CARMIL3: variants seen among roughly 807,000 people sequenced by gnomAD.
The protein encoded by CARMIL3 is capping protein regulator and myosin 1 linker 3, also known as capping protein, Arp2/3 and myosin-I linker protein 3.
A neutral mutation model predicts 180.8 loss-of-function variants in CARMIL3; 88 were observed. That is an observed-to-expected ratio of 0.49 (90% CI 0.41 to 0.58). CARMIL3 has a LOEUF of 0.58. Among genes scored for constraint, CARMIL3 ranks in the 20% least tolerant of loss-of-function variants. CARMIL3 has a pLI of 0.00. For synonymous variants in CARMIL3, 696 were observed against 714.5 expected, an observed-to-expected ratio of 0.97 and a Z score of 0.41; for missense variants, 1,548 against 1,787.0, an observed-to-expected ratio of 0.87 and a Z score of 2.41.
rs922128552 is a variant in CARMIL3, at chr14:24,061,578, C to A, written c.2386C>A (p.Leu796Met). 6.2e-7 allele frequency: 1 copy of A among 1,614,002 alleles called. No homozygotes were observed. The highest frequency in any genetic ancestry group is 8.5e-7 in the Non-Finnish European group (1 of 1,179,992). Residue 796 changes from leucine (L) to methionine (M), a missense_variant, in exon 27 of 40, where the codon CTG (leucine) becomes ATG (methionine). Transcript: ENST00000342740. This position sits in a 1 kb window ranked among gnomAD's most constrained non-coding sequence, Gnocchi z 4.1. The part of the protein sequence containing the change: ...MRVAEGHNKM[L>M]SNVAERVTVP... ...GGTGGCCGAGGGACACAACAAGATG[C>A]TGAGCAATGTGGCGGAGCGTGTCAC...
In CARMIL3 at chr14:24,064,287, C is replaced by A. The variant is rs748197771; in HGVS notation, c.3021C>A (p.Thr1007=). 5.0e-6 allele frequency: 8 copies of A among 1,613,046 alleles called. No homozygotes were observed. In the South Asian group the frequency reaches 8.8e-5, roughly 18 times the overall value. ...CTCGTCAGGAGAATGGGATGGCCAC[C>A]CGCCTGGATGAAGGGCTGGAGGACT... The part of the protein sequence containing the change: ...PGTRQENGMA[T]RLDEGLEDFF... Residue 1007 remains threonine (T), a synonymous_variant, in exon 32 of 40, where the codon ACC becomes ACA. Coordinates refer to ENST00000342740, the MANE Select transcript of CARMIL3 (RefSeq NM_138360.4).
rs756984786 is a variant in CARMIL3, at chr14:24,058,130, G to T, written c.1323-25G>T. 5.6e-6 allele frequency: 9 copies of T among 1,613,818 alleles called. No homozygotes were observed. The South Asian group carries it at 9.9e-5, about 18-fold the overall frequency. On this transcript the variant is annotated intron_variant, in intron 16 of 39. Transcript: ENST00000342740. The surrounding 1 kb of genome is among the most constrained non-coding windows in gnomAD (Gnocchi z 6.4). ...ACGGGGAGCGGGAAGAGGTAAAGGA[G>T]GGCCTGCTGACCTCCCTCCCACAGG...
chr14:24,061,596 C>A lies in CARMIL3; in HGVS notation c.2404C>A (p.Arg802Ser). The A allele has an allele frequency of 6.2e-7, 1 of 1,613,932 alleles. No individual in the cohort carries two copies. Among genetic ancestry groups the A allele is most frequent in the Non-Finnish European group, 8.5e-7 (1 of 1,179,990 alleles). ...HNKMLSNVAE[R>S]VTVPRNFIRG... ...CAAGATGCTGAGCAATGTGGCGGAG[C>A]GTGTCACTGTGCCCCGGAACTTCAT... Residue 802 changes from arginine to serine, a missense_variant, in exon 27 of 40, where the codon CGT becomes AGT. By Grantham distance (110) the Arg-to-Ser change is moderately radical (BLOSUM62 -1). Transcript: ENST00000342740. The surrounding 1 kb of genome is among the most constrained non-coding windows in gnomAD (Gnocchi z 4.1).
rs201169654 is a variant in CARMIL3, at chr14:24,066,416, G to C, written c.3544G>C (p.Glu1182Gln). Reference protein sequence around the residue: ...GKREGPGPDQEGSTQAWQKRR... With the variant: ...GKREGPGPDQQGSTQAWQKRR... ...CTTTCAGGGCCCAGGCCCAGACCAG[G>C]AGGGCAGCACCCAGGCCTGGCAGAA... is the stretch of plus-strand genomic sequence containing the variant. The change falls in exon 35 of 40, where the codon GAG becomes CAG. Residue 1182 changes from glutamate (E) to glutamine (Q), a missense_variant. Physicochemically the swap from Glu to Gln is conservative, Grantham distance 29 (BLOSUM62 2). Around this residue, in one of 4 missense-constraint regions of CARMIL3, gnomAD observed 668 missense variants for 687.8 expected, o/e 0.97. Coordinates refer to ENST00000342740, the MANE Select transcript of CARMIL3 (RefSeq NM_138360.4). 1 of 1,614,074 alleles carries C rather than the reference G, an allele frequency of 6.2e-7. No individual in the cohort carries two copies. Among genetic ancestry groups the C allele is most frequent in the African/African-American group, 1.3e-5 (1 of 74,936 alleles).
chr14:24,065,087 G>A lies in CARMIL3; in HGVS notation c.3210G>A (p.Pro1070=), dbSNP rs777405964. ...GGAGCTTCAAGGGGGACAGGGGGCC[G>A]GGGTCCCCTACCACTGGACTCCTCC... ...RPRSFKGDRG[P]GSPTTGLLLP... is the part of the protein sequence containing the mutation. Residue 1070 remains proline, a synonymous_variant, in exon 33 of 40, where the codon CCG becomes CCA. Transcript: ENST00000342740. The A allele has an allele frequency of 6.4e-5, 101 of 1,581,778 alleles. 1 individual carries two copies. The highest frequency in any genetic ancestry group is 1.9e-4 in the Middle Eastern group (1 of 5,274).
rs769195110 is a variant in CARMIL3, at chr14:24,058,772, G to T, written c.1474+11G>T. On this transcript the variant is annotated intron_variant, in intron 18 of 39. Coordinates refer to ENST00000342740, the MANE Select transcript of CARMIL3 (RefSeq NM_138360.4). The surrounding 1 kb of genome is among the most constrained non-coding windows in gnomAD (Gnocchi z 6.4). ...ATCTGTCAGACAATGGTGAGTAGTGGTTCCTCCCTTCCCTGGGGCCAGGGG... is the reference window on the plus strand; with the variant it reads ...ATCTGTCAGACAATGGTGAGTAGTGTTTCCTCCCTTCCCTGGGGCCAGGGG... The T allele has an allele frequency of 6.2e-6, 10 of 1,613,924 alleles. No homozygotes were observed. The highest frequency in any genetic ancestry group is 7.6e-6 in the Non-Finnish European group (9 of 1,179,974).
In CARMIL3 at chr14:24,054,618, C is replaced by T; in HGVS notation, c.363-93C>T. ...GAGAAGGAGAGCTCTCATGTCCCCA[C>T]TCCTGGTTTTTCCTGGGATGCAGGA... On this transcript the variant is annotated intron_variant, in intron 5 of 39. Transcript: ENST00000342740. The surrounding 1 kb of genome is among the most constrained non-coding windows in gnomAD (Gnocchi z 5.1). The T allele has an allele frequency of 2.0e-6, 3 of 1,503,432 alleles. No individual in the cohort carries two copies. Among genetic ancestry groups the T allele is most frequent in the Non-Finnish European group, 2.7e-6 (3 of 1,097,528 alleles). The allele number at this position is 1,503,432 out of a possible 1,614,324, so 93.1% of individuals were successfully genotyped here. A position where few individuals can be genotyped will look rare whatever the true frequency, so the allele number is the denominator to read the frequency against.
rs116403852 is a variant in CARMIL3, at chr14:24,069,469, C to G, written c.*65C>G. 2.3e-4 allele frequency: 375 copies of G among 1,602,754 alleles called. 1 individual carries two copies. In the African/African-American group the frequency reaches 4.3e-3, roughly 19 times the overall value. On this transcript the variant is annotated 3_prime_UTR_variant, in exon 40 of 40. Transcript: ENST00000342740. ...TCGCAAGGACTCAGACCCCTATCCA[C>G]CCCCAGTCCCCAGGGCCCCCTGCCA...
At chr14:24,062,007 C>T in intron 27 of CARMIL3, 1 of 333,586 alleles carries the variant, frequency 3.0e-6, no homozygotes, top group South Asian at 4.6e-5. Context: ...CACTGTCTTC[C>T]TCCCAGTTTT....
intron 10 of CARMIL3, 68 bp from the exon 11 acceptor site, chr14:24,056,231 G>A (rs2035670317): frequency 2.3e-6 from 3 of 1,319,066 alleles, no homozygotes; most frequent in South Asian, 1.3e-5. Flanking sequence ...GGTAGAGGAG[G>A]AGGGGAAGCC....
chr14:24,055,045 A>AGCC (rs771173304), intron 6 of CARMIL3, 21 bp from the exon 7 acceptor site: 3 of 1,612,296 alleles, frequency 1.9e-6, no homozygotes, highest in Non-Finnish European at 2.5e-6. Context: ...TCATGGAATC[A>AGCC]GCCTATCTCC....
chr14:24,066,565 A>G lies in CARMIL3; in HGVS notation c.3593-2A>G. On this transcript the variant is annotated splice_acceptor_variant, in intron 35 of 39. Coordinates refer to ENST00000342740, the MANE Select transcript of CARMIL3 (RefSeq NM_138360.4). LOFTEE classifies it high-confidence loss of function. ...CTTTCTCATCCCCTCTCTCTACTCC[A>G]GGGCCTGGATCCTGGAAGCCCCCAC... 6.2e-7 allele frequency: 1 copy of G among 1,613,994 alleles called. No homozygotes were observed. The highest frequency in any genetic ancestry group is 8.5e-7 in the Non-Finnish European group (1 of 1,179,952).
At chr14:24,055,813 C>T (rs2035666533) in intron 10 of CARMIL3, 24 bp downstream of exon 10, 1 of 1,605,528 alleles carries the variant, frequency 6.2e-7, no homozygotes, top group Non-Finnish European at 8.5e-7. Flanking sequence ...CCTCCTTGGG[C>T]AGTAGTGCAC....
At chr14:24,057,732 G>C (rs571882803) in intron 14 of CARMIL3, 71 bp from the exon 15 acceptor site, 208 of 1,335,640 alleles carry the variant, frequency 1.6e-4, no homozygotes, top group Admixed American at 1.1e-3. Context: ...TGGGGAGGGA[G>C]GGGGAGTCCT....
chr14:24,058,758 A>C lies in CARMIL3; in HGVS notation c.1471A>C (p.Asn491His). The change falls in exon 18 of 40, where the codon AAT becomes CAT. Residue 491 changes from asparagine (N) to histidine (H), a missense_variant. Transcript: ENST00000342740. The surrounding 1 kb of genome is among the most constrained non-coding windows in gnomAD (Gnocchi z 6.4). ...TCVGSLDLSD[N>H]GFDSDLLTLV... Reference sequence around the variant, plus strand: ...TGTAGGCAGCCTGGATCTGTCAGACAATGGTGAGTAGTGGTTCCTCCCTTC... The same window carrying C: ...TGTAGGCAGCCTGGATCTGTCAGACCATGGTGAGTAGTGGTTCCTCCCTTC... The C allele has an allele frequency of 6.2e-7, 1 of 1,614,074 alleles. No individual in the cohort carries two copies.
intron 32 of CARMIL3, 113 bp downstream of exon 32, chr14:24,064,459 C>T (rs1594553636): frequency 3.9e-6 from 3 of 778,918 alleles, no homozygotes; most frequent in Non-Finnish European, 6.5e-6. Context: ...CAAAGCCAGT[C>T]TCTGTGAGAA....
rs937795819 is a variant in CARMIL3 at position 24,064,190 on chromosome 14, G to T, written c.2980-56G>T. On this transcript the variant is annotated intron_variant, in intron 31 of 39. Coordinates refer to ENST00000342740, the MANE Select transcript of CARMIL3 (RefSeq NM_138360.4). Reference sequence around the variant, plus strand: ...CAAAGGGGAATGCTCTGAGTGGATGGGAGGTGGGGCTTCCTGACCTAGATG... The same window carrying T: ...CAAAGGGGAATGCTCTGAGTGGATGTGAGGTGGGGCTTCCTGACCTAGATG... 4.1e-6 allele frequency: 5 copies of T among 1,218,464 alleles called. No homozygotes were observed. The Admixed American group carries it at 7.5e-5, about 18-fold the overall frequency. The allele number at this position is 1,218,464 out of a possible 1,614,324, so 75.5% of individuals were successfully genotyped here. A position where few individuals can be genotyped will look rare whatever the true frequency, so the allele number is the denominator to read the frequency against.
intron 8 of CARMIL3, 88 bp from the exon 9 acceptor site, chr14:24,055,455 C>T: frequency 6.5e-7 from 1 of 1,542,086 alleles, no homozygotes; most frequent in East Asian, 2.2e-5. Context: ...TTAGGCCTTC[C>T]CCAGCCCAAC....
At chr14:24,055,356 G>C (rs1195079015) in intron 8 of CARMIL3, 46 bp downstream of exon 8, 2 of 1,604,596 alleles carry the variant, frequency 1.2e-6, no homozygotes, top group Non-Finnish European at 1.7e-6. Flanking sequence ...CCCAAATTCA[G>C]CCCAACCCCA....
Sources: allele counts gnomAD v4.1 joint callset, GRCh38; gene constraint gnomAD v4.1.1; regional missense constraint gnomAD v4.1.1; non-coding constraint Gnocchi (gnomAD v3.1); transcripts MANE v1.5; gene names NCBI Gene and HGNC (gene_info 2026-07-23, HGNC 2026-07-21).